Variants in AOPEP observed in about 807,000 individuals in gnomAD.
The protein encoded by AOPEP is aminopeptidase O.
A neutral mutation model predicts 98.1 loss-of-function variants in AOPEP; 77 were observed. The ratio of observed to expected loss-of-function variants is 0.78; its 90% CI spans 0.65 to 0.95. The LOEUF (loss-of-function observed/expected upper bound fraction) is 0.95, where lower values mean the gene tolerates loss of function less well. Among genes scored for constraint, AOPEP ranks in the 40% least tolerant of loss-of-function variants. AOPEP has a pLI of 0.00. For synonymous variants in AOPEP, 346 were observed against 365.3 expected (o/e 0.95, Z 0.60); for missense variants, 1,024 against 1,024.7 (o/e 1.00, Z 0.01).
chr9:94,880,232 T>G (rs1172519701), intron 5 of AOPEP, among the ~76,000 whole-genome samples: 1 of 152,224 alleles, frequency 6.6e-6, no homozygotes, highest in Non-Finnish European at 1.5e-5. Flanking sequence ...GATAACAGTG[T>G]TAACAGGATA....
chr9:94,971,765 G>A (rs1385949663), intron 10 of AOPEP, among the ~76,000 whole-genome samples: 1 of 152,170 alleles, frequency 6.6e-6, no homozygotes, highest in Non-Finnish European at 1.5e-5. Flanking sequence ...GGAACCTAGA[G>A]GAATAAATCC....
At chr9:94,915,902 G>A (rs17358247) in intron 5 of AOPEP, among the ~76,000 whole-genome samples, 5,680 of 152,262 alleles carry the variant, frequency 0.037, 145 homozygotes, top group Non-Finnish European at 0.059. Context: ...AAGGAACATG[G>A]GAAGATTTGA....
At chr9:94,897,840 C>CTTTTTT (rs1187082923) in intron 5 of AOPEP, among the ~76,000 whole-genome samples, 3 of 47,388 alleles carry the variant, frequency 6.3e-5, no homozygotes, top group African/African-American at 2.4e-4. Flanking sequence ...CAAAAGTATG[C>CTTTTTT]CTTTTTTTTT....
intron 13 of AOPEP, chr9:95,019,117 TATACAGC>T (rs1414644650): frequency 3.9e-5 from 6 of 152,202 alleles, no homozygotes; most frequent in Non-Finnish European, 1.5e-5. Flanking sequence ...CAGCAGCAAG[TATACAGC>T]AGCAAGTATA....
chr9:95,075,924 C>G (rs910981018), intron 14 of AOPEP, among the ~76,000 whole-genome samples: 1 of 152,216 alleles, frequency 6.6e-6, no homozygotes, highest in African/African-American at 2.4e-5. Flanking sequence ...AATAGAATGC[C>G]TAAGCTGCCC....
At chr9:94,987,755 G>A (rs1487881152) in intron 11 of AOPEP, among the ~76,000 whole-genome samples, 5 of 152,118 alleles carry the variant, frequency 3.3e-5, no homozygotes, top group Non-Finnish European at 5.9e-5. Context: ...TGTTTTTCTT[G>A]TTGGGGACAT....
Position 94,792,938 on chromosome 9 carries a change from C to T in AOPEP, c.1118+20C>T. 6.5e-7 allele frequency: 1 copy of T among 1,539,552 alleles called. No individual in the cohort carries two copies. On this transcript the variant is annotated intron_variant, in intron 4 of 16. Transcript: ENST00000375315. ...CTTCAGGTTTGTGTTTGGGGACTTGCTGGGAAGGAAAAAAAAAAAAACACT... is the reference window on the plus strand; with the variant it reads ...CTTCAGGTTTGTGTTTGGGGACTTGTTGGGAAGGAAAAAAAAAAAAACACT...
At chr9:94,997,563 T>G (rs1288619625) in intron 11 of AOPEP, among the ~76,000 whole-genome samples, 1 of 152,330 alleles carries the variant, frequency 6.6e-6, no homozygotes. Flanking sequence ...GGTCCCACTC[T>G]CAGAGATGTG....
At chr9:94,911,099 C>T (rs1229043480) in intron 5 of AOPEP, among the ~76,000 whole-genome samples, 1 of 152,076 alleles carries the variant, frequency 6.6e-6, no homozygotes, top group East Asian at 1.9e-4. Context: ...ACTGTCTATC[C>T]CCTGGAAGAC....
intron 7 of AOPEP, among the ~76,000 whole-genome samples, chr9:94,954,139 A>T (rs925418122): frequency 1.3e-5 from 2 of 152,160 alleles, no homozygotes; most frequent in African/African-American, 2.4e-5. Context: ...CCTGGCCAAC[A>T]TGGCGAAACC....
At chr9:94,857,053 A>G (rs1339211920) in intron 5 of AOPEP, among the ~76,000 whole-genome samples, 1 of 152,218 alleles carries the variant, frequency 6.6e-6, no homozygotes, top group African/African-American at 2.4e-5. Flanking sequence ...TGGACATATT[A>G]TTGTAAGTGA....
At chr9:94,923,254 A>G (rs1347507151) in intron 5 of AOPEP, among the ~76,000 whole-genome samples, 1 of 152,236 alleles carries the variant, frequency 6.6e-6, no homozygotes, top group Non-Finnish European at 1.5e-5. Context: ...AAGGTATGGA[A>G]AATGAGATTA....
Position 94,808,756 on chromosome 9 carries a change from G to T in AOPEP, c.1364+7754G>T, listed in dbSNP as rs138051061. 7.5e-4 allele frequency among the ~76,000 whole-genome samples: 115 copies of T among 152,358 alleles called. 1 individual carries two copies. Among genetic ancestry groups the T allele is most frequent in the African/African-American group, 2.4e-3 (98 of 41,592 alleles). On this transcript the variant is annotated intron_variant, in intron 5 of 16. Transcript: ENST00000375315. ...AATGATATTTGGGTTCCCCAGCCAA[G>T]ACTTGGGGTAGGCAAGGAGGAGGAG... is the stretch of plus-strand genomic sequence containing the variant.
At chr9:94,839,765 TC>T (rs2042065831) in intron 5 of AOPEP, among the ~76,000 whole-genome samples, 1 of 152,108 alleles carries the variant, frequency 6.6e-6, no homozygotes, top group African/African-American at 2.4e-5. Flanking sequence ...GACATCTTTT[TC>T]TTCTTCCTGA....
rs745943990 is a variant in AOPEP, at chr9:94,759,768, A to G, written c.-16A>G. The G allele has an allele frequency of 6.3e-7, 1 of 1,589,464 alleles. No homozygotes were observed. The highest frequency in any genetic ancestry group is 8.6e-7 in the Non-Finnish European group (1 of 1,168,450). Reference sequence around the variant, plus strand: ...ATCTGAGATTTTAATAAATCCCTCAAACAATAAACCACATCATGGACATAC... The same window carrying G: ...ATCTGAGATTTTAATAAATCCCTCAGACAATAAACCACATCATGGACATAC... On this transcript the variant is annotated 5_prime_UTR_variant, in exon 2 of 17. Coordinates refer to ENST00000375315, the MANE Select transcript of AOPEP (RefSeq NM_001193329.3).
chr9:94,760,910 G>A (rs1247196254), intron 2 of AOPEP, among the ~76,000 whole-genome samples: 1 of 152,184 alleles, frequency 6.6e-6, no homozygotes, highest in East Asian at 1.9e-4. Context: ...GCTGTAGATG[G>A]GAGTGATACG....
intron 13 of AOPEP, among the ~76,000 whole-genome samples, chr9:95,024,739 G>T (rs1399142035): frequency 6.6e-6 from 1 of 152,184 alleles, no homozygotes; most frequent in East Asian, 1.9e-4. Flanking sequence ...GGTGGGAGGG[G>T]AGGGGATAAA....
the AOPEP span, among the ~76,000 whole-genome samples, chr9:95,148,637 A>G: frequency 2.6e-5 from 4 of 152,206 alleles, no homozygotes; most frequent in Non-Finnish European, 5.9e-5. Flanking sequence ...CTGCATATGA[A>G]ATATGTCAAT....
chr9:94,965,549 A>G (rs1049425347), intron 9 of AOPEP, among the ~76,000 whole-genome samples: 6 of 152,252 alleles, frequency 3.9e-5, no homozygotes, highest in African/African-American at 9.6e-5. Context: ...GCAGATTTCT[A>G]TCCCTCTGTA....
Sources: allele counts gnomAD v4.1 joint callset (sites outside exome capture counted in the v4.1 genomes callset), GRCh38; gene constraint gnomAD v4.1.1; transcripts MANE v1.5; gene names NCBI Gene and HGNC (gene_info 2026-07-23, HGNC 2026-07-21).